Variants in GNAQ observed in about 807,000 individuals in gnomAD.
GNAQ encodes guanine nucleotide-binding protein G(q) subunit alpha.
Under a neutral mutation model 43.9 loss-of-function variants are expected in GNAQ, and 8 were observed. The ratio of observed to expected loss-of-function variants is 0.18; its 90% CI spans 0.11 to 0.33. GNAQ has a LOEUF of 0.33. Ranked by LOEUF, GNAQ falls within the 10% of genes least tolerant of loss-of-function variation. The pLI is 1.00. For synonymous variants in GNAQ, 155 were observed against 170.7 expected (o/e 0.91, Z 0.71); for missense variants, 158 against 450.8 (o/e 0.35, Z 5.88).
chr9:77,775,134 G>A (rs1826287440), intron 5 of GNAQ, among the ~76,000 whole-genome samples: 1 of 152,022 alleles, frequency 6.6e-6, no homozygotes, highest in South Asian at 2.1e-4. Flanking sequence ...CATCTGCATA[G>A]TATTTTATTT....
chr9:78,012,400 A>T (rs1196451424), intron 1 of GNAQ, among the ~76,000 whole-genome samples: 2 of 151,818 alleles, frequency 1.3e-5, no homozygotes, highest in Non-Finnish European at 2.9e-5. Flanking sequence ...ATACAGATAG[A>T]GTTTCACCAT....
chr9:77,930,698 C>A (rs1411034172), intron 1 of GNAQ, among the ~76,000 whole-genome samples: 1 of 152,124 alleles, frequency 6.6e-6, no homozygotes, highest in East Asian at 1.9e-4. Context: ...TCATTACATA[C>A]TTTAAGGTCA....
chr9:77,734,504 C>A (rs1825545165), intron 5 of GNAQ, among the ~76,000 whole-genome samples: 1 of 108,688 alleles, frequency 9.2e-6, no homozygotes, highest in African/African-American at 2.6e-5. Flanking sequence ...TCATAACAAT[C>A]ATCACTGAGG....
At chr9:77,831,115 A>G (rs952899012) in intron 2 of GNAQ, among the ~76,000 whole-genome samples, 2 of 152,232 alleles carry the variant, frequency 1.3e-5, no homozygotes, top group African/African-American at 4.8e-5. Flanking sequence ...TTATAACTAC[A>G]TATCTTATGT....
At chr9:77,907,841 T>C (rs1308001095) in intron 2 of GNAQ, among the ~76,000 whole-genome samples, 1 of 152,078 alleles carries the variant, frequency 6.6e-6, no homozygotes, top group Non-Finnish European at 1.5e-5. Context: ...CTGGCTGAAG[T>C]GGTGGAAAGA....
At chr9:77,800,026 C>T (rs1038107582) in intron 3 of GNAQ, among the ~76,000 whole-genome samples, 8 of 152,142 alleles carry the variant, frequency 5.3e-5, no homozygotes, top group Admixed American at 3.9e-4. Context: ...AAGAGTTAGA[C>T]GAGCCCATGT....
intron 3 of GNAQ, among the ~76,000 whole-genome samples, chr9:77,800,574 G>C (rs142642328): frequency 0.017 from 2,546 of 152,218 alleles, 139 homozygotes; most frequent in Admixed American, 0.11. Flanking sequence ...GGACTGCTGT[G>C]GGGGGAGGGA....
chr9:77,777,058 G>C (rs1826315885), intron 5 of GNAQ, among the ~76,000 whole-genome samples: 1 of 152,188 alleles, frequency 6.6e-6, no homozygotes, highest in Middle Eastern at 3.4e-3. Flanking sequence ...TAATAGAACT[G>C]AGAATTCAGA....
chr9:77,948,592 TAAGAAGTGGGCAGA>T (rs2118369765), intron 1 of GNAQ, among the ~76,000 whole-genome samples: 1 of 152,276 alleles, frequency 6.6e-6, no homozygotes, highest in African/African-American at 2.4e-5. Context: ...CACAGCGTCC[TAAGAAGTGGGCAGA>T]GCACAGCAGA....
At chr9:77,797,720 AC>A in intron 3 of GNAQ, 72 bp from the exon 4 acceptor site, 1 of 1,392,934 alleles carries the variant, frequency 7.2e-7, no homozygotes, top group South Asian at 1.2e-5. Context: ...AAAGGGAAGG[AC>A]AAAAATGAGT....
chr9:78,023,328 CAT>C (rs1231194411), intron 1 of GNAQ, among the ~76,000 whole-genome samples: 2 of 152,220 alleles, frequency 1.3e-5, no homozygotes, highest in Non-Finnish European at 2.9e-5. Flanking sequence ...CTCACAGCCA[CAT>C]GATGTCTCAC....
chr9:77,802,620 A>G (rs1285624602), intron 3 of GNAQ, among the ~76,000 whole-genome samples: 1 of 151,986 alleles, frequency 6.6e-6, no homozygotes, highest in African/African-American at 2.4e-5. Flanking sequence ...TATAGCCATA[A>G]TTTGTTTTGT....
intron 4 of GNAQ, among the ~76,000 whole-genome samples, chr9:77,794,916 ATGAG>A (rs1444145278): frequency 6.6e-6 from 1 of 152,162 alleles, no homozygotes; most frequent in East Asian, 1.9e-4. Flanking sequence ...CCAAAACTGA[ATGAG>A]TTTTGTGTTA....
chr9:77,848,300 G>A (rs915145721), intron 2 of GNAQ, among the ~76,000 whole-genome samples: 3 of 152,192 alleles, frequency 2.0e-5, no homozygotes, highest in Non-Finnish European at 2.9e-5. Flanking sequence ...GACAAGCTAA[G>A]TGACAAAGGG....
At chr9:77,837,849 T>A (rs1017357004) in intron 2 of GNAQ, among the ~76,000 whole-genome samples, 6 of 86,706 alleles carry the variant, frequency 6.9e-5, no homozygotes, top group African/African-American at 6.1e-4. Context: ...TGATTTAAAT[T>A]TTTTTTTTTT....
intron 3 of GNAQ, among the ~76,000 whole-genome samples, chr9:77,806,189 T>C (rs1246336608): frequency 1.3e-5 from 2 of 152,242 alleles, no homozygotes; most frequent in African/African-American, 4.8e-5. Context: ...AATTTGCCTA[T>C]TTGGCTTTGT....
chr9:77,965,941 A>G (rs370239824), intron 1 of GNAQ, among the ~76,000 whole-genome samples: 32 of 152,264 alleles, frequency 2.1e-4, no homozygotes, highest in African/African-American at 6.3e-4. Context: ...CCAAGTCTCC[A>G]TCAGTAGATG....
chr9:77,994,659 T>C (rs1422511634), intron 1 of GNAQ, among the ~76,000 whole-genome samples: 3 of 152,230 alleles, frequency 2.0e-5, no homozygotes, highest in Admixed American at 2.0e-4. Flanking sequence ...CTGTGCTTAA[T>C]ATGAACCAAT....
At chr9:77,873,135 C>T (rs1023996702) in intron 2 of GNAQ, among the ~76,000 whole-genome samples, 2 of 152,220 alleles carry the variant, frequency 1.3e-5, no homozygotes, top group Non-Finnish European at 2.9e-5. Flanking sequence ...AAACAACCCA[C>T]TTAGCTGAAG....
Sources: gnomAD v4.1 joint callset for allele counts (sites outside exome capture counted in the v4.1 genomes callset) on GRCh38, gnomAD v4.1.1 for gene constraint, MANE v1.5 for transcripts, NCBI Gene and HGNC (gene_info 2026-07-23, HGNC 2026-07-21) for gene names.